The following CCN4 variants were observed in gnomAD, a reference collection of about 807,000 sequenced individuals.
The protein encoded by CCN4 is CCN family member 4.
A neutral mutation model predicts 36.7 loss-of-function variants in CCN4; 30 were observed. The ratio of observed to expected loss-of-function variants is 0.82; its 90% confidence interval spans 0.61 to 1.11. The LOEUF is 1.11. CCN4 is among the 50% of genes least tolerant of loss of function. CCN4 has a pLI of 0.00. For missense variants in CCN4, 505 were observed against 504.9 expected (o/e 1.00, Z 0.00); for synonymous variants, 191 against 195.4 (o/e 0.98, Z 0.19).
At chr8:133,192,114 T>C (rs951010784) in intron 1 of CCN4, among the ~76,000 whole-genome samples, 2 of 152,190 alleles carry the variant, frequency 1.3e-5, no homozygotes, top group Non-Finnish European at 2.9e-5. Flanking sequence ...GACCTGCTCC[T>C]GGCAGAACAG....
intron 2 of CCN4, among the ~76,000 whole-genome samples, chr8:133,217,375 T>C (rs1326593223): frequency 6.6e-6 from 1 of 152,240 alleles, no homozygotes; most frequent in African/African-American, 2.4e-5. Flanking sequence ...GCAGAGCAAG[T>C]TGACTTGAAT....
intron 1 of CCN4, among the ~76,000 whole-genome samples, chr8:133,196,601 AAGGGTTCTAATCCC>A (rs141628666): frequency 0.015 from 2,304 of 152,266 alleles, 23 homozygotes; most frequent in Non-Finnish European, 0.021. Flanking sequence ...GAGAAATGCC[AAGGGTTCTAATCCC>A]AGTGTCTCCA....
chr8:133,204,653 C>T (rs534279598), intron 1 of CCN4, among the ~76,000 whole-genome samples: 153 of 152,202 alleles, frequency 1.0e-3, no homozygotes, highest in Non-Finnish European at 1.7e-3. Context: ...CTCCCAGGTT[C>T]GAGCAATTCT....
At chr8:133,212,810 G>T (rs1854103091) in intron 1 of CCN4, 54 bp from the exon 2 acceptor site, 4 of 1,377,020 alleles carry the variant, frequency 2.9e-6, no homozygotes, top group Non-Finnish European at 4.0e-6. Context: ...GGCCCTTTGG[G>T]CGTTGAAACC....
chr8:133,221,114 T>TCCTACTAAAGA (rs1376292959), intron 3 of CCN4, among the ~76,000 whole-genome samples: 1 of 152,256 alleles, frequency 6.6e-6, no homozygotes, highest in Non-Finnish European at 1.5e-5. Flanking sequence ...TCCATTATTA[T>TCCTACTAAAGA]CCTACTAAAG....
chr8:133,231,391 C>G lies in CCN4; in HGVS notation c.*3681C>G, dbSNP rs922053015. ...AATATTCCTACTGCCATTTTTGTGA[C>G]TGAAAAACTACACATGAGGAAACGT... On this transcript the variant is annotated 3_prime_UTR_variant, in exon 5 of 5. Coordinates refer to ENST00000250160, the MANE Select transcript of CCN4 (RefSeq NM_003882.4). 1 of 152,094 alleles carries G rather than the reference C, an allele frequency of 6.6e-6. No homozygotes were observed. Among genetic ancestry groups the G allele is most frequent in the African/African-American group, 2.4e-5 (1 of 41,410 alleles). The allele number at this position is 152,094 out of a possible 1,614,324, so 9.4% of individuals were successfully genotyped here. A position where few individuals can be genotyped will look rare whatever the true frequency, so the allele number is the denominator to read the frequency against.
chr8:133,196,757 A>G (rs948927649), intron 1 of CCN4, among the ~76,000 whole-genome samples: 2 of 152,218 alleles, frequency 1.3e-5, no homozygotes, highest in Non-Finnish European at 2.9e-5. Flanking sequence ...AGCAGAGACA[A>G]AGCCCACAAG....
At chr8:133,220,433 T>A in intron 2 of CCN4, 148 bp from the exon 3 acceptor site, 1 of 1,177,626 alleles carries the variant, frequency 8.5e-7, no homozygotes, top group Non-Finnish European at 1.2e-6. Flanking sequence ...CACACCTCCC[T>A]GCCTTTGCCT....
At chr8:133,214,346 C>T (rs10808605) in intron 2 of CCN4, among the ~76,000 whole-genome samples, 151,428 of 151,428 alleles carry the variant, frequency 1, 75,714 homozygotes, top group Non-Finnish European at 1. Flanking sequence ...ATCATCAGTA[C>T]TTATAATATT....
intron 1 of CCN4, among the ~76,000 whole-genome samples, chr8:133,211,593 C>T (rs1854036455): frequency 1.3e-5 from 2 of 152,208 alleles, no homozygotes; most frequent in South Asian, 4.1e-4. Context: ...GCCTGGTGTT[C>T]CGAGTGGAAA....
chr8:133,216,985 G>A (rs772754782), intron 2 of CCN4, among the ~76,000 whole-genome samples: 7 of 152,246 alleles, frequency 4.6e-5, no homozygotes, highest in Non-Finnish European at 1.0e-4. Context: ...TGAAGAGTGA[G>A]GGAGTAGTAA....
chr8:133,206,039 G>T (rs1853759507), intron 1 of CCN4, among the ~76,000 whole-genome samples: 1 of 152,168 alleles, frequency 6.6e-6, no homozygotes. Flanking sequence ...GAGCTCCCGG[G>T]CTTCTTCACT....
At chr8:133,198,905 C>T (rs1348016932) in intron 1 of CCN4, among the ~76,000 whole-genome samples, 1 of 152,278 alleles carries the variant, frequency 6.6e-6, no homozygotes, top group Non-Finnish European at 1.5e-5. Context: ...CATACATCTT[C>T]CCTGCTCTGT....
intron 1 of CCN4, among the ~76,000 whole-genome samples, chr8:133,203,051 C>T (rs934782690): frequency 5.3e-5 from 8 of 152,228 alleles, no homozygotes; most frequent in Non-Finnish European, 7.4e-5. Context: ...GGGCCGGCTC[C>T]GGCCATTCCT....
chr8:133,196,656 C>G (rs1464927199), intron 1 of CCN4, among the ~76,000 whole-genome samples: 1 of 152,142 alleles, frequency 6.6e-6, no homozygotes, highest in Admixed American at 6.5e-5. Context: ...AGGTAAGTAG[C>G]CCAGCTTTTC....
intron 1 of CCN4, among the ~76,000 whole-genome samples, chr8:133,192,450 A>G (rs1220077735): frequency 2.6e-5 from 4 of 152,230 alleles, no homozygotes; most frequent in Non-Finnish European, 5.9e-5. Flanking sequence ...CCAGAAAGTT[A>G]TCAGCTCCAT....
chr8:133,217,998 TGACTC>T (rs1854389792), intron 2 of CCN4, among the ~76,000 whole-genome samples: 2 of 137,382 alleles, frequency 1.5e-5, no homozygotes, highest in Non-Finnish European at 3.1e-5. Flanking sequence ...AGAGGCAGGG[TGACTC>T]AGAATGCAAA....
At chr8:133,227,349 G>A in intron 4 of CCN4, 62 bp from the exon 5 acceptor site, 2 of 1,524,188 alleles carry the variant, frequency 1.3e-6, no homozygotes, top group South Asian at 2.6e-5. Flanking sequence ...GGGGCTCAGG[G>A]GAAGAAGGTG....
chr8:133,192,137 G>A (rs535262356), intron 1 of CCN4, among the ~76,000 whole-genome samples: 4 of 152,320 alleles, frequency 2.6e-5, no homozygotes, highest in South Asian at 2.1e-4. Flanking sequence ...TAGAGACGGA[G>A]GGGTGATGGC....
Sources: gnomAD v4.1 joint callset for allele counts (sites outside exome capture counted in the v4.1 genomes callset) on GRCh38, gnomAD v4.1.1 for gene constraint, MANE v1.5 for transcripts, NCBI Gene and HGNC (gene_info 2026-07-23, HGNC 2026-07-21) for gene names.